Variants in DOCK9 observed in about 807,000 individuals in gnomAD.
The protein encoded by DOCK9 is dedicator of cytokinesis protein 9.
In DOCK9, 89 loss-of-function variants were observed where a neutral mutation model predicts 263.3. The observed-to-expected ratio is 0.34, with a 90% CI of 0.28 to 0.40. DOCK9 has a LOEUF of 0.40. DOCK9 is among the 10% of genes least tolerant of loss of function. DOCK9 has a pLI of 1.00. For missense variants in DOCK9, 2,140 were observed against 2,603.4 expected (o/e 0.82, Z 3.87); for synonymous variants, 976 against 973.1 (o/e 1.00, Z -0.06).
intron 38 of DOCK9, among the ~76,000 whole-genome samples, chr13:98,844,202 A>C (rs2093318215): frequency 6.6e-6 from 1 of 152,192 alleles, no homozygotes; most frequent in South Asian, 2.1e-4. Context: ...TTAAAAAATC[A>C]AGTACTGTAG....
At chr13:98,993,454 T>C (rs1742880003) in intron 1 of DOCK9, among the ~76,000 whole-genome samples, 1 of 152,256 alleles carries the variant, frequency 6.6e-6, no homozygotes, top group South Asian at 2.1e-4. Context: ...ATAATTTACA[T>C]GAGAGTGTCT....
intron 4 of DOCK9, 76 bp from the exon 5 acceptor site, chr13:98,923,447 T>G: frequency 8.2e-7 from 1 of 1,216,868 alleles, no homozygotes; most frequent in Non-Finnish European, 1.2e-6. Context: ...TCCTCCATCA[T>G]AGGGCCCGGC....
intron 1 of DOCK9, among the ~76,000 whole-genome samples, chr13:98,969,504 C>G (rs780381343): frequency 6.6e-6 from 1 of 151,086 alleles, no homozygotes; most frequent in Non-Finnish European, 1.5e-5. Context: ...ACATCGAATA[C>G]AAAGAAAACA....
Position 98,925,851 on chromosome 13 carries a change from A to T in DOCK9, c.402T>A (p.Phe134Leu). ...NYKYEDYSGE[F>L]RQLPNKVVKL... is the part of the protein sequence containing the mutation. ...AGCTTACTCACTTCGGAAGCTGTCG[A>T]AACTCTCCTGAGTAATCTTCATATT... Residue 134 changes from phenylalanine (F) to leucine (L), a missense_variant, in exon 4 of 53, where the codon TTT (phenylalanine) becomes TTA (leucine). Transcript: ENST00000682017. The T allele has an allele frequency of 6.4e-7, 1 of 1,572,732 alleles. No homozygotes were observed. The highest frequency in any genetic ancestry group is 1.2e-5 in the South Asian group (1 of 85,344).
intron 1 of DOCK9, among the ~76,000 whole-genome samples, chr13:98,958,701 T>C (rs1292014316): frequency 6.6e-6 from 1 of 152,246 alleles, no homozygotes; most frequent in Non-Finnish European, 1.5e-5. Flanking sequence ...ATAGAGTTAA[T>C]CCCCTTTCAC....
chr13:98,902,986 C>T lies in DOCK9; in HGVS notation c.1162G>A (p.Gly388Arg). The change falls in exon 11 of 53, where the codon GGA becomes AGA. Residue 388 changes from glycine to arginine, a missense_variant. By Grantham distance (125) the Gly-to-Arg change is moderately radical. Coordinates refer to ENST00000682017, the MANE Select transcript of DOCK9 (RefSeq NM_001366683.2). ...LQCCVAENEE[G>R]PTTNVEPFFV... ...TGAAAAATTACATTTGTAGTGGGTC[C>T]TTCTTCATTTTCGGCAACACAGCAT... The T allele has an allele frequency of 1.3e-6, 2 of 1,506,998 alleles. No homozygotes were observed. The highest frequency in any genetic ancestry group is 2.5e-5 in the East Asian group (1 of 39,490). The allele number at this position is 1,506,998 out of a possible 1,614,324, so 93.4% of individuals were successfully genotyped here.
At chr13:99,049,370 C>T (rs2040581554) in intron 1 of DOCK9, among the ~76,000 whole-genome samples, 1 of 152,078 alleles carries the variant, frequency 6.6e-6, no homozygotes, top group Admixed American at 6.6e-5. Flanking sequence ...CATGGTGTGG[C>T]CATGGAGTAA....
In DOCK9 at chr13:98,888,690, G is replaced by A; in HGVS notation, c.1731C>T (p.Leu577=). 6.2e-7 allele frequency: 1 copy of A among 1,613,704 alleles called. No homozygotes were observed. The highest frequency in any genetic ancestry group is 1.1e-5 in the South Asian group (1 of 91,022). The stretch of plus-strand genomic sequence containing the variant: ...TGTCTAGATTGCCTAAAATCACTGG[G>A]AGCTTAGCCATCTTCTCAGGTCTGC... ...DFRKPEKMAK[L]PVILGNLDIT... The change falls in exon 16 of 53, where the codon CTC becomes CTT. Residue 577 remains leucine (L), a synonymous_variant. Transcript: ENST00000682017.
At chr13:99,087,705 G>A (rs367592208), upstream of DOCK9, 1 of 152,416 alleles carries the variant, frequency 6.6e-6, no homozygotes, top group African/African-American at 2.4e-5. Flanking sequence ...ATTTGCGCCA[G>A]GCCCGCGGCG....
At chr13:98,812,774 A>G (rs527761639) in intron 45 of DOCK9, among the ~76,000 whole-genome samples, 2 of 152,302 alleles carry the variant, frequency 1.3e-5, no homozygotes, top group East Asian at 3.9e-4. Flanking sequence ...TCTGTGTATC[A>G]AATATCCACC....
chr13:98,924,631 T>C (rs1030599052), intron 4 of DOCK9, among the ~76,000 whole-genome samples: 1 of 152,194 alleles, frequency 6.6e-6, no homozygotes, highest in African/African-American at 2.4e-5. Context: ...CTCACAGTAA[T>C]GAGTGAATTC....
chr13:99,026,321 CAT>C (rs1241633956), intron 1 of DOCK9, among the ~76,000 whole-genome samples: 1 of 152,156 alleles, frequency 6.6e-6, no homozygotes, highest in Non-Finnish European at 1.5e-5. Flanking sequence ...CAAGACAGCA[CAT>C]ATCAGAGGGT....
chr13:98,947,308 G>A (rs984407422), intron 2 of DOCK9, among the ~76,000 whole-genome samples: 11 of 151,726 alleles, frequency 7.2e-5, no homozygotes, highest in African/African-American at 2.2e-4. Context: ...TTCACAAGTC[G>A]TTTAAGAATA....
At chr13:98,987,862 A>G (rs1451204539) in intron 1 of DOCK9, among the ~76,000 whole-genome samples, 1 of 151,172 alleles carries the variant, frequency 6.6e-6, no homozygotes, top group Non-Finnish European at 1.5e-5. Flanking sequence ...CTTTTTGAGC[A>G]TATATCTCCT....
At chr13:98,882,679 T>C (rs1260614552) in intron 23 of DOCK9, among the ~76,000 whole-genome samples, 6 of 152,172 alleles carry the variant, frequency 3.9e-5, no homozygotes, top group East Asian at 1.9e-4. Context: ...ACCAAGTTTA[T>C]AGTATCTCCT....
Position 98,989,349 on chromosome 13 carries a change from A to ATG in DOCK9, c.130-33799_130-33798insCA, listed in dbSNP as rs1567176819. On this transcript the variant is annotated intron_variant, in intron 1 of 32. Coordinates refer to the DOCK9 transcript ENST00000427887. ...TGATGATGATGATGATGATGATGAT[A>ATG]ATAATAATAATAATAATAATAATAA... Among the ~76,000 whole-genome samples, 1,751 of 98,758 alleles carry ATG rather than the reference A, an allele frequency of 0.018. 227 individuals are homozygous for ATG. In the East Asian group the frequency reaches 0.32, roughly 18 times the overall value. 64.8% of individuals were successfully genotyped at this position (98,758 alleles called of 152,430 possible).
At chr13:98,925,380 T>TTA (rs1555406341) in intron 4 of DOCK9, among the ~76,000 whole-genome samples, 8 of 150,922 alleles carry the variant, frequency 5.3e-5, no homozygotes, top group Non-Finnish European at 1.0e-4. Flanking sequence ...TTAAAGGAGA[T>TTA]AAAAAAAAAA....
chr13:99,028,690 A>G (rs1345801749), intron 1 of DOCK9, among the ~76,000 whole-genome samples: 1 of 152,194 alleles, frequency 6.6e-6, no homozygotes, highest in Non-Finnish European at 1.5e-5. Context: ...AAATTTAAGG[A>G]GAAATTAACA....
rs575540424 is a variant in DOCK9 at position 99,060,708 on chromosome 13, C to T, written c.129+25515G>A. On this transcript the variant is annotated intron_variant, in intron 1 of 32. Transcript: ENST00000427887. ...TCTAGAGCAGGTACCTTTCTCATAT[C>T]ATCACAGGGCACCCCACACATCTGC... Among the ~76,000 whole-genome samples, 319 of 152,268 alleles carry T rather than the reference C, an allele frequency of 2.1e-3. 1 individual carries two copies. Among genetic ancestry groups the T allele is most frequent in the Non-Finnish European group, 4.0e-3 (272 of 68,012 alleles).
Sources: allele counts gnomAD v4.1 joint callset (sites outside exome capture counted in the v4.1 genomes callset), GRCh38; gene constraint gnomAD v4.1.1; transcripts MANE v1.5; gene names NCBI Gene and HGNC (gene_info 2026-07-23, HGNC 2026-07-21).